The following FUT4 variants were observed in gnomAD, a reference collection of about 807,000 sequenced individuals.
FUT4 encodes fucosyltransferase 4.
In FUT4, 1 loss-of-function variant was observed where a neutral mutation model predicts 3.8. The observed-to-expected ratio is 0.26, with a 90% CI of 0.09 to 1.25. FUT4 has a LOEUF of 1.25. FUT4 is among the 50% of genes most tolerant of loss of function. The pLI is 0.47. For missense variants in FUT4, 880 were observed against 768.2 expected, an observed-to-expected ratio of 1.15 and a Z score of -1.72; for synonymous variants, 417 against 355.3, an observed-to-expected ratio of 1.17 and a Z score of -1.95.
rs1565260756 is a variant in FUT4, at chr11:94,548,612, T to A, written c.*2886T>A. 2 of 167,072 alleles carry A rather than the reference T, an allele frequency of 1.2e-5. No individual in the cohort carries two copies. The highest frequency in any genetic ancestry group is 6.5e-5 in the Admixed American group (1 of 15,282). The allele number at this position is 167,072 out of a possible 1,614,324, so 10.3% of individuals were successfully genotyped here. A position where few individuals can be genotyped will look rare whatever the true frequency, so the allele number is the denominator to read the frequency against. On this transcript the variant is annotated 3_prime_UTR_variant, in exon 1 of 1. Coordinates refer to ENST00000358752, the MANE Select transcript of FUT4 (RefSeq NM_002033.4). ...ACACTAATCTCATCAGAGAGCGAGA[T>A]GAATGTGGCAATTGCTCATTTTATT...
At position 94,545,641 on chromosome 11, in the gene FUT4, C is replaced by G; in HGVS notation, c.1508C>G (p.Pro503Arg). Residue 503 changes from proline (P) to arginine (R), a missense_variant, in exon 1 of 1, where the codon CCT (proline) becomes CGT (arginine). Pro to Arg is a moderately radical substitution (Grantham distance 103, BLOSUM62 -2). This residue lies in a region of FUT4 where 424 missense variants were observed against 400.4 expected (regional missense o/e 1.06). Coordinates refer to ENST00000358752, the MANE Select transcript of FUT4 (RefSeq NM_002033.4). ...AVHITSFWDE[P>R]WCRVCQAVQR... ...CACATCACCTCCTTCTGGGACGAGC[C>G]TTGGTGCCGGGTGTGCCAGGCTGTA... The G allele has an allele frequency of 3.1e-6, 5 of 1,613,088 alleles. No homozygotes were observed. The highest frequency in any genetic ancestry group is 4.2e-6 in the Non-Finnish European group (5 of 1,180,040).
Position 94,545,759 on chromosome 11 carries a change from G to A in FUT4, c.*33G>A, listed in dbSNP as rs753366955. 1 of 1,586,300 alleles carries A rather than the reference G, an allele frequency of 6.3e-7. No homozygotes were observed. Among genetic ancestry groups the A allele is most frequent in the African/African-American group, 1.3e-5 (1 of 74,324 alleles). ...CTCCCCTGGAAGCGACCCAGGGGAG[G>A]CCAAGTTGTCAGCTTTTTGATCCTC... On this transcript the variant is annotated 3_prime_UTR_variant, in exon 1 of 1. Transcript: ENST00000358752.
In FUT4 at chr11:94,544,933, T is replaced by C; in HGVS notation, c.800T>C (p.Val267Ala). The change falls in exon 1 of 1, where the codon GTG (valine) becomes GCG (alanine). Residue 267 changes from valine to alanine, a missense_variant. This residue lies in a region of FUT4 where 424 missense variants were observed against 400.4 expected (regional missense o/e 1.06). Transcript: ENST00000358752. ...ACTGCCGAGGAGGTGGATCTGCGCG[T>C]GTTGGACTACGAGGAGGCAGCGGCG... The part of the protein sequence containing the change: ...AHTAEEVDLR[V>A]LDYEEAAAAA... 6.2e-7 allele frequency: 1 copy of C among 1,607,350 alleles called. No individual in the cohort carries two copies. Among genetic ancestry groups the C allele is most frequent in the Non-Finnish European group, 8.5e-7 (1 of 1,177,762 alleles).
Position 94,545,584 on chromosome 11 carries a change from G to T in FUT4, c.1451G>T (p.Arg484Leu), listed in dbSNP as rs762032604. 1.2e-6 allele frequency: 2 copies of T among 1,613,506 alleles called. No homozygotes were observed. Among genetic ancestry groups the T allele is most frequent in the East Asian group, 4.5e-5 (2 of 44,874 alleles). ...FLDRNPAVYR[R>L]YFHWRRSYAV... is the part of the protein sequence containing the mutation. ...GACCGCAACCCCGCGGTCTATCGCC[G>T]CTACTTCCACTGGCGCCGGAGCTAC... The change falls in exon 1 of 1, where the codon CGC becomes CTC. Residue 484 changes from arginine to leucine, a missense_variant. Physicochemically the swap from Arg to Leu is moderately radical, Grantham distance 102. Coordinates refer to ENST00000358752, the MANE Select transcript of FUT4 (RefSeq NM_002033.4).
chr11:94,548,247 ATT>A lies in FUT4; in HGVS notation c.*2533_*2534del, dbSNP rs5793689. The A allele has an allele frequency of 4.7e-5, 7 of 147,616 alleles. No individual in the cohort carries two copies. Among genetic ancestry groups the A allele is most frequent in the South Asian group, 2.2e-4 (1 of 4,620 alleles). The allele number at this position is 147,616 out of a possible 1,614,324, so 9.1% of individuals were successfully genotyped here. The stretch of plus-strand genomic sequence containing the variant: ...ATTAGCATGAGGAAGGTATAATTGC[ATT>A]TTTTTTTTTTTGAGACGGAGTCTTG... On this transcript the variant is annotated 3_prime_UTR_variant, in exon 1 of 1. Transcript: ENST00000358752.
rs747093301 is a variant in FUT4 at position 94,544,805 on chromosome 11, C to T, written c.672C>T (p.Thr224=). The T allele has an allele frequency of 1.0e-5, 16 of 1,597,728 alleles. 1 individual carries two copies. The highest frequency in any genetic ancestry group is 3.3e-4 in the Middle Eastern group (2 of 6,078). ...RFNISGCRLL[T]DRASYGEAQA... is the part of the protein sequence containing the mutation. Reference sequence around the variant, plus strand: ...ACATCAGCGGCTGCCGCCTGCTCACCGACCGCGCGTCCTACGGAGAGGCTC... The same window carrying T: ...ACATCAGCGGCTGCCGCCTGCTCACTGACCGCGCGTCCTACGGAGAGGCTC... Residue 224 remains threonine (T), a synonymous_variant, in exon 1 of 1, where the codon ACC becomes ACT. Coordinates refer to ENST00000358752, the MANE Select transcript of FUT4 (RefSeq NM_002033.4).
In FUT4 at chr11:94,548,016, G is replaced by T. The variant is rs117324437; in HGVS notation, c.*2290G>T. 6.0e-6 allele frequency: 1 copy of T among 166,642 alleles called. No homozygotes were observed. Among genetic ancestry groups the T allele is most frequent in the African/African-American group, 2.4e-5 (1 of 41,396 alleles). 10.3% of individuals were successfully genotyped at this position (166,642 alleles called of 1,614,324 possible). On this transcript the variant is annotated 3_prime_UTR_variant, in exon 1 of 1. Coordinates refer to ENST00000358752, the MANE Select transcript of FUT4 (RefSeq NM_002033.4). ...TATAGGTCTAAAATTATATCTTAAG[G>T]TATGTTGTAGAATAAATTAAAAGGA...
chr11:94,545,942 T>A lies in FUT4; in HGVS notation c.*216T>A. 1 of 709,908 alleles carries A rather than the reference T, an allele frequency of 1.4e-6. No individual in the cohort carries two copies. The highest frequency in any genetic ancestry group is 2.6e-6 in the Non-Finnish European group (1 of 385,022). The allele number at this position is 709,908 out of a possible 1,614,324, so 44.0% of individuals were successfully genotyped here. A position where few individuals can be genotyped will look rare whatever the true frequency, so the allele number is the denominator to read the frequency against. ...TTGCACAGCTAGCAATTGGGCTCCC[T>A]TTGCTGCTGATGGGCATCATTGTTT... On this transcript the variant is annotated 3_prime_UTR_variant, in exon 1 of 1. Transcript: ENST00000358752.
At position 94,545,387 on chromosome 11, in the gene FUT4, CCTGGA is replaced by C. The variant is rs1565259289; in HGVS notation, c.1255_1259del (p.Asp420TyrfsTer128). 6.2e-7 allele frequency: 1 copy of C among 1,612,946 alleles called. No individual in the cohort carries two copies. The highest frequency in any genetic ancestry group is 8.5e-7 in the Non-Finnish European group (1 of 1,179,858). On this transcript the variant is annotated frameshift_variant, in exon 1 of 1. Transcript: ENST00000358752. LOFTEE classifies it low-confidence loss of function (END_TRUNC). ...ACCTGGCTTTCGAGAACTCGCAGCA[CCTGGA>C]TTATATCACCGAGAAGCTCTGGCGC...
In FUT4 at chr11:94,544,520, G is replaced by A; in HGVS notation, c.387G>A (p.Pro129=). 1 of 1,307,658 alleles carries A rather than the reference G, an allele frequency of 7.6e-7. No homozygotes were observed. The highest frequency in any genetic ancestry group is 9.6e-7 in the Non-Finnish European group (1 of 1,037,048). The allele number at this position is 1,307,658 out of a possible 1,614,324, so 81.0% of individuals were successfully genotyped here. A position where few individuals can be genotyped will look rare whatever the true frequency, so the allele number is the denominator to read the frequency against. ...AALPVRAMGA[P]WGSPTAAAGG... The stretch of plus-strand genomic sequence containing the variant: ...TGCCTGTTCGCGCCATGGGGGCACC[G>A]TGGGGCTCGCCGACGGCGGCGGCGG... The change falls in exon 1 of 1, where the codon CCG becomes CCA. Residue 129 remains proline (P), a synonymous_variant. Coordinates refer to ENST00000358752, the MANE Select transcript of FUT4 (RefSeq NM_002033.4).
chr11:94,549,481 C>T lies in FUT4; in HGVS notation c.*3755C>T, dbSNP rs546057963. On this transcript the variant is annotated 3_prime_UTR_variant, in exon 1 of 1. Coordinates refer to ENST00000358752, the MANE Select transcript of FUT4 (RefSeq NM_002033.4). ...GTTAGACAAAATCATCTGTTGGGAC[C>T]TCCTAGTTCCACGTGCTATCATTCT... is the stretch of plus-strand genomic sequence containing the variant. 1 of 167,170 alleles carries T rather than the reference C, an allele frequency of 6.0e-6. No homozygotes were observed. Among genetic ancestry groups the T allele is most frequent in the African/African-American group, 2.4e-5 (1 of 41,556 alleles). 10.4% of individuals were successfully genotyped at this position (167,170 alleles called of 1,614,324 possible).
At position 94,545,807 on chromosome 11, in the gene FUT4, C is replaced by A; in HGVS notation, c.*81C>A. On this transcript the variant is annotated 3_prime_UTR_variant, in exon 1 of 1. Transcript: ENST00000358752. ...CTCTACTGTGCATCTCCTTGACTGCCGCATCATGGGAGTAAGTTCTTCAAA... is the reference window on the plus strand; with the variant it reads ...CTCTACTGTGCATCTCCTTGACTGCAGCATCATGGGAGTAAGTTCTTCAAA... 6.8e-7 allele frequency: 1 copy of A among 1,480,840 alleles called. No homozygotes were observed. Among genetic ancestry groups the A allele is most frequent in the Non-Finnish European group, 9.2e-7 (1 of 1,082,612 alleles). The allele number at this position is 1,480,840 out of a possible 1,614,324, so 91.7% of individuals were successfully genotyped here. A position where few individuals can be genotyped will look rare whatever the true frequency, so the allele number is the denominator to read the frequency against.
In FUT4 at chr11:94,544,916, G is replaced by A; in HGVS notation, c.783G>A (p.Glu261=). 1.2e-6 allele frequency: 2 copies of A among 1,608,768 alleles called. No individual in the cohort carries two copies. The highest frequency in any genetic ancestry group is 1.7e-6 in the Non-Finnish European group (2 of 1,178,552). ...GGGGCATCCAGGCGCACACTGCCGAGGAGGTGGATCTGCGCGTGTTGGACT... is the reference window on the plus strand; with the variant it reads ...GGGGCATCCAGGCGCACACTGCCGAAGAGGTGGATCTGCGCGTGTTGGACT... ...PPWGIQAHTA[E]EVDLRVLDYE... is the part of the protein sequence containing the mutation. Residue 261 remains glutamate (E), a synonymous_variant, in exon 1 of 1, where the codon GAG becomes GAA. Transcript: ENST00000358752.
At position 94,545,942 on chromosome 11, in the gene FUT4, T is replaced by C; in HGVS notation, c.*216T>C. ...TTGCACAGCTAGCAATTGGGCTCCC[T>C]TTGCTGCTGATGGGCATCATTGTTT... On this transcript the variant is annotated 3_prime_UTR_variant, in exon 1 of 1. Coordinates refer to ENST00000358752, the MANE Select transcript of FUT4 (RefSeq NM_002033.4). 1 of 709,908 alleles carries C rather than the reference T, an allele frequency of 1.4e-6. No individual in the cohort carries two copies. The highest frequency in any genetic ancestry group is 2.6e-6 in the Non-Finnish European group (1 of 385,022). The allele number at this position is 709,908 out of a possible 1,614,324, so 44.0% of individuals were successfully genotyped here. A position where few individuals can be genotyped will look rare whatever the true frequency, so the allele number is the denominator to read the frequency against.
In FUT4 at chr11:94,544,198, A is replaced by G; in HGVS notation, c.65A>G (p.Glu22Gly). 1 of 1,416,728 alleles carries G rather than the reference A, an allele frequency of 7.1e-7. No individual in the cohort carries two copies. Among genetic ancestry groups the G allele is most frequent in the Non-Finnish European group, 9.2e-7 (1 of 1,089,030 alleles). The allele number at this position is 1,416,728 out of a possible 1,614,324, so 87.8% of individuals were successfully genotyped here. A position where few individuals can be genotyped will look rare whatever the true frequency, so the allele number is the denominator to read the frequency against. The change falls in exon 1 of 1, where the codon GAG becomes GGG. Residue 22 changes from glutamate to glycine, a missense_variant. By Grantham distance (98) the Glu-to-Gly change is moderately conservative. Coordinates refer to ENST00000358752, the MANE Select transcript of FUT4 (RefSeq NM_002033.4). ...GCGGGCTGGGAGAAGGAGTGGGCGG[A>G]GGCGCCGCAGGAGGCTCCCGGGGCC... ...SGAGWEKEWAEAPQEAPGAWS... is the reference protein window; with the variant it reads ...SGAGWEKEWAGAPQEAPGAWS...
In FUT4 at chr11:94,547,183, A is replaced by G. The variant is rs1947872298; in HGVS notation, c.*1457A>G. ...GGAAGATAGAGAATTATACAAGGCA[A>G]AGTCCTTCTCTTTAGGGCTCTTACA... On this transcript the variant is annotated 3_prime_UTR_variant, in exon 1 of 1. Coordinates refer to ENST00000358752, the MANE Select transcript of FUT4 (RefSeq NM_002033.4). 6.0e-6 allele frequency: 1 copy of G among 167,074 alleles called. No homozygotes were observed. The highest frequency in any genetic ancestry group is 1.5e-5 in the Non-Finnish European group (1 of 68,120). 10.3% of individuals were successfully genotyped at this position (167,074 alleles called of 1,614,324 possible). A position where few individuals can be genotyped will look rare whatever the true frequency, so the allele number is the denominator to read the frequency against.
In FUT4 at chr11:94,548,793, A is replaced by G. The variant is rs1042635434; in HGVS notation, c.*3067A>G. 13 of 167,006 alleles carry G rather than the reference A, an allele frequency of 7.8e-5. No homozygotes were observed. In the Admixed American group the frequency reaches 8.5e-4, roughly 11 times the overall value. 10.3% of individuals were successfully genotyped at this position (167,006 alleles called of 1,614,324 possible). A position where few individuals can be genotyped will look rare whatever the true frequency, so the allele number is the denominator to read the frequency against. ...TTATTACAAATTTAGTATTTTTAGT[A>G]CTTGATGACTCTAATTACATGAATG... is the stretch of plus-strand genomic sequence containing the variant. On this transcript the variant is annotated 3_prime_UTR_variant, in exon 1 of 1. Coordinates refer to ENST00000358752, the MANE Select transcript of FUT4 (RefSeq NM_002033.4).
rs1478071340 is a variant in FUT4, at chr11:94,544,915, A to G, written c.782A>G (p.Glu261Gly). The change falls in exon 1 of 1, where the codon GAG (glutamate) becomes GGG (glycine). Residue 261 changes from glutamate to glycine, a missense_variant. Transcript: ENST00000358752. ...PPWGIQAHTA[E>G]EVDLRVLDYE... ...TGGGGCATCCAGGCGCACACTGCCG[A>G]GGAGGTGGATCTGCGCGTGTTGGAC... is the stretch of plus-strand genomic sequence containing the variant. The G allele has an allele frequency of 4.4e-6, 7 of 1,608,466 alleles. No individual in the cohort carries two copies. Among genetic ancestry groups the G allele is most frequent in the Non-Finnish European group, 5.9e-6 (7 of 1,178,584 alleles).
chr11:94,544,330 A>G lies in FUT4; in HGVS notation c.197A>G (p.His66Arg), dbSNP rs1947830674. The G allele has an allele frequency of 2.6e-6, 4 of 1,552,522 alleles. No homozygotes were observed. In the African/African-American group the frequency reaches 4.3e-5, roughly 17 times the overall value. ...HLALAARPAR[H>R]LGGAGQGPRP... ...GCCCTGGCGGCTCGCCCCGCCCGGC[A>G]CTTGGGAGGAGCAGGGCAGGGCCCG... is the stretch of plus-strand genomic sequence containing the variant. The change falls in exon 1 of 1, where the codon CAC becomes CGC. Residue 66 changes from histidine (H) to arginine (R), a missense_variant. Physicochemically the swap from His to Arg is conservative, Grantham distance 29. Coordinates refer to ENST00000358752, the MANE Select transcript of FUT4 (RefSeq NM_002033.4).
Sources: allele counts gnomAD v4.1 joint callset, GRCh38; gene constraint gnomAD v4.1.1; regional missense constraint gnomAD v4.1.1; transcripts MANE v1.5; gene names NCBI Gene and HGNC (gene_info 2026-07-23, HGNC 2026-07-21).